The following KLHL29 variants were observed in gnomAD, a reference collection of about 807,000 sequenced individuals.
The protein encoded by KLHL29 is kelch like family member 29.
In KLHL29, 21 loss-of-function variants were observed where a neutral mutation model predicts 80.4. The ratio of observed to expected loss-of-function variants is 0.26; its 90% CI spans 0.19 to 0.38. KLHL29 has a LOEUF of 0.38. KLHL29 is among the 10% of genes least tolerant of loss of function. KLHL29 has a pLI of 1.00. For missense variants in KLHL29, 867 were observed against 1,223.9 expected (o/e 0.71, Z 4.35); for synonymous variants, 511 against 526.8 (o/e 0.97, Z 0.41).
chr2:23,506,569 A>AG (rs1431835559), intron 2 of KLHL29, among the ~76,000 whole-genome samples: 35 of 152,286 alleles, frequency 2.3e-4, no homozygotes, highest in African/African-American at 5.8e-4. Flanking sequence ...CTCTGGCCCA[A>AG]GTGGGGTACT....
chr2:23,648,045 G>T (rs1208958331), intron 5 of KLHL29, among the ~76,000 whole-genome samples: 1 of 152,050 alleles, frequency 6.6e-6, no homozygotes, highest in Non-Finnish European at 1.5e-5. Context: ...GCAGGTCAGT[G>T]CTCAGGGCCC....
chr2:23,613,574 G>C (rs976404423), intron 3 of KLHL29, among the ~76,000 whole-genome samples: 2 of 151,988 alleles, frequency 1.3e-5, no homozygotes, highest in Non-Finnish European at 2.9e-5. Flanking sequence ...GACCAGCCTG[G>C]CCAACATGGT....
chr2:23,465,669 T>G (rs1274112833), intron 1 of KLHL29, among the ~76,000 whole-genome samples: 5 of 152,152 alleles, frequency 3.3e-5, no homozygotes. Context: ...AAGAAACCAC[T>G]TCTGTCAAAA....
In KLHL29 at chr2:23,501,202, G is replaced by A. The variant is rs900734420; in HGVS notation, c.-46+25535G>A. On this transcript the variant is annotated intron_variant, in intron 2 of 13. Transcript: ENST00000486442. Reference sequence around the variant, plus strand: ...CCCCAACTCTTCCCCGCGTGAACACGTCGGGCAGATTCCCTTCCAGCCCAG... The same window carrying A: ...CCCCAACTCTTCCCCGCGTGAACACATCGGGCAGATTCCCTTCCAGCCCAG... Among the ~76,000 whole-genome samples the A allele has an allele frequency of 1.2e-4, 18 of 152,150 alleles. 1 individual carries two copies. Among genetic ancestry groups the A allele is most frequent in the South Asian group, 2.1e-4 (1 of 4,820 alleles).
intron 5 of KLHL29, among the ~76,000 whole-genome samples, chr2:23,676,988 C>T (rs773184829): frequency 6.6e-6 from 1 of 152,196 alleles, no homozygotes; most frequent in Non-Finnish European, 1.5e-5. Flanking sequence ...GCACTACCCA[C>T]GGCCCAAGCT....
intron 2 of KLHL29, among the ~76,000 whole-genome samples, chr2:23,487,108 TAGCC>T: frequency 6.6e-6 from 1 of 152,294 alleles, no homozygotes; most frequent in South Asian, 2.1e-4. Flanking sequence ...CTCTCACTCT[TAGCC>T]AGGGTGTCCC....
At chr2:23,555,128 C>T (rs536789121) in intron 2 of KLHL29, among the ~76,000 whole-genome samples, 2 of 146,860 alleles carry the variant, frequency 1.4e-5, no homozygotes, top group Admixed American at 7.0e-5. Context: ...CCTCCCCCCC[C>T]CCCTCAACTT....
rs1007980125 is a variant in KLHL29, at chr2:23,695,917, T to G, written c.1742-34T>G. On this transcript the variant is annotated intron_variant, in intron 9 of 13. Transcript: ENST00000486442. The surrounding 1 kb of genome is among the most constrained non-coding windows in gnomAD (Gnocchi z 7.6). ...GGCACAGATGCCGACAGTCTTAGAG[T>G]GTGTCCCAAGGGCGCCCATCCATGT... The G allele has an allele frequency of 6.5e-7, 1 of 1,545,606 alleles. No individual in the cohort carries two copies. Among genetic ancestry groups the G allele is most frequent in the Admixed American group, 2.0e-5 (1 of 50,750 alleles).
chr2:23,534,776 G>A (rs910868474), intron 2 of KLHL29, among the ~76,000 whole-genome samples: 3 of 152,184 alleles, frequency 2.0e-5, no homozygotes, highest in Non-Finnish European at 4.4e-5. Context: ...ACAGACTACT[G>A]TGGGTGACTA....
rs1235661321 is a variant in KLHL29 at position 23,647,427 on chromosome 2, A to G, written c.940+4577A>G. On this transcript the variant is annotated intron_variant, in intron 5 of 13. Transcript: ENST00000486442. The surrounding 1 kb of genome is among the most constrained non-coding windows in gnomAD (Gnocchi z 4.9). ...GCCTCAGAAATGCCAACATGAATTCATTCAGGGTTCAGACTCAAGGCCTGC... is the reference window on the plus strand; with the variant it reads ...GCCTCAGAAATGCCAACATGAATTCGTTCAGGGTTCAGACTCAAGGCCTGC... Among the ~76,000 whole-genome samples, 2 of 152,202 alleles carry G rather than the reference A, an allele frequency of 1.3e-5. No individual in the cohort carries two copies. The highest frequency in any genetic ancestry group is 2.9e-5 in the Non-Finnish European group (2 of 68,026).
chr2:23,441,184 A>G (rs940654798), intron 1 of KLHL29, among the ~76,000 whole-genome samples: 5 of 152,164 alleles, frequency 3.3e-5, no homozygotes, highest in African/African-American at 4.8e-5. Flanking sequence ...TTGTAGGGAC[A>G]TGGATGAAAT....
rs1376567986 is a variant in KLHL29, at chr2:23,421,751, CATGTGTGTGTGT to C, written c.-154+35972_-154+35983del. Reference sequence around the variant, plus strand: ...TGTGTTGTGTGTATGTGTGTGTGTTCATGTGTGTGTGTGTGTCTGTGTGCATATGTGTTCATA... The same window carrying C: ...TGTGTTGTGTGTATGTGTGTGTGTTCGTGTCTGTGTGCATATGTGTTCATA... On this transcript the variant is annotated intron_variant, in intron 1 of 13. Coordinates refer to ENST00000486442, the MANE Select transcript of KLHL29 (RefSeq NM_052920.2). Among the ~76,000 whole-genome samples, 190 of 127,448 alleles carry C rather than the reference CATGTGTGTGTGT, an allele frequency of 1.5e-3. 2 individuals are homozygous for C. Among genetic ancestry groups the C allele is most frequent in the African/African-American group, 5.5e-3 (184 of 33,626 alleles). The allele number at this position is 127,448 out of a possible 152,430, so 83.6% of individuals were successfully genotyped here. A position where few individuals can be genotyped will look rare whatever the true frequency, so the allele number is the denominator to read the frequency against.
In KLHL29 at chr2:23,695,596, G is replaced by T; in HGVS notation, c.1543-27G>T. On this transcript the variant is annotated intron_variant, in intron 8 of 13. Transcript: ENST00000486442. The surrounding 1 kb of genome is among the most constrained non-coding windows in gnomAD (Gnocchi z 7.6). ...AGGTGGCTCTCTCTTGCTAGTCTAA[G>T]AAGATTCTGTCTCCTGTACCCTGCA... 2 of 1,504,726 alleles carry T rather than the reference G, an allele frequency of 1.3e-6. No individual in the cohort carries two copies. The allele number at this position is 1,504,726 out of a possible 1,614,324, so 93.2% of individuals were successfully genotyped here.
chr2:23,495,992 C>G (rs993414694), intron 2 of KLHL29, among the ~76,000 whole-genome samples: 1 of 152,248 alleles, frequency 6.6e-6, no homozygotes, highest in Non-Finnish European at 1.5e-5. Flanking sequence ...CAGCGCCGCT[C>G]TGCTCCTCCC....
intron 2 of KLHL29, among the ~76,000 whole-genome samples, chr2:23,541,110 T>C (rs1160720235): frequency 6.6e-6 from 1 of 152,200 alleles, no homozygotes; most frequent in South Asian, 2.1e-4. Context: ...TCAGACAAAA[T>C]GCAGATTTCA....
At chr2:23,389,606 G>A (rs1337650195) in intron 1 of KLHL29, among the ~76,000 whole-genome samples, 1 of 151,968 alleles carries the variant, frequency 6.6e-6, no homozygotes, top group African/African-American at 2.4e-5. Context: ...TGGATGGGAG[G>A]ACTGCTGGAG....
intron 1 of KLHL29, among the ~76,000 whole-genome samples, chr2:23,429,277 T>C (rs1663099773): frequency 6.6e-6 from 1 of 152,228 alleles, no homozygotes; most frequent in South Asian, 2.1e-4. Context: ...CCATGGTTGC[T>C]GGCGCTGGGG....
At chr2:23,461,179 A>G (rs1440802256) in intron 1 of KLHL29, among the ~76,000 whole-genome samples, 2 of 152,210 alleles carry the variant, frequency 1.3e-5, no homozygotes, top group African/African-American at 2.4e-5. Context: ...CAATGGAGGA[A>G]ACACTCTTGT....
rs1671986032 is a variant in KLHL29, at chr2:23,696,753, T to C, written c.2105+240T>C. The C allele has an allele frequency of 2.2e-6, 1 of 459,736 alleles. No homozygotes were observed. 28.5% of individuals were successfully genotyped at this position (459,736 alleles called of 1,614,324 possible). On this transcript the variant is annotated intron_variant, in intron 11 of 13. Transcript: ENST00000486442. The surrounding 1 kb of genome is among the most constrained non-coding windows in gnomAD (Gnocchi z 5.5). ...GTCGCTGAGATGGGAGATGGGGCGCTTCTGTCCCGACAACCCATTTAGGTG... is the reference window on the plus strand; with the variant it reads ...GTCGCTGAGATGGGAGATGGGGCGCCTCTGTCCCGACAACCCATTTAGGTG...
Sources: gnomAD v4.1 joint callset for allele counts (sites outside exome capture counted in the v4.1 genomes callset) on GRCh38, gnomAD v4.1.1 for gene constraint, Gnocchi (gnomAD v3.1) non-coding constraint, MANE v1.5 for transcripts, NCBI Gene and HGNC (gene_info 2026-07-23, HGNC 2026-07-21) for gene names.